Variants in FMN1 observed in about 807,000 individuals in gnomAD.
FMN1 encodes the protein formin-1.
Under a neutral mutation model 132.4 loss-of-function variants are expected in FMN1, and 110 were observed. The observed-to-expected ratio is 0.83, with a 90% CI of 0.71 to 0.97. The LOEUF is 0.97. FMN1 is among the 50% of genes least tolerant of loss of function. The probability of loss-of-function intolerance (pLI) is 0.00; values close to 1 mark genes in which losing one functional copy is unlikely to be tolerated. For synonymous variants in FMN1, 722 were observed against 651.7 expected, an observed-to-expected ratio of 1.11 and a Z score of -1.64; for missense variants, 1,792 against 1,705.3, an observed-to-expected ratio of 1.05 and a Z score of -0.90.
At chr15:32,921,183 TAGG>T (rs1679920057) in intron 10 of FMN1, among the ~76,000 whole-genome samples, 1 of 152,112 alleles carries the variant, frequency 6.6e-6, no homozygotes, top group Non-Finnish European at 1.5e-5. Flanking sequence ...CAGGCTCTCC[TAGG>T]AGGTGACATT....
At position 33,107,467 on chromosome 15, in the gene FMN1, C is replaced by A. The variant is rs562540615; in HGVS notation, c.1868-18493G>T. Among the ~76,000 whole-genome samples, 16 of 152,152 alleles carry A rather than the reference C, an allele frequency of 1.1e-4. No homozygotes were observed. In the South Asian group the frequency reaches 3.1e-3, roughly 30 times the overall value. ...TTAAAGAACATCACTGGACTTGATC[C>A]CCGCCTATCACTTTCTCCCCATCTC... On this transcript the variant is annotated intron_variant, in intron 4 of 20. Transcript: ENST00000616417.
intron 18 of FMN1, among the ~76,000 whole-genome samples, chr15:32,801,937 C>A (rs528938806): frequency 6.6e-6 from 1 of 152,324 alleles, no homozygotes; most frequent in African/African-American, 2.4e-5. Context: ...GACAAAACTC[C>A]ATTTTAAATT....
chr15:32,945,186 T>G (rs2061482699), intron 9 of FMN1, among the ~76,000 whole-genome samples: 2 of 152,168 alleles, frequency 1.3e-5, no homozygotes, highest in South Asian at 4.1e-4. Context: ...AATGTATTAT[T>G]TTGTTACTGA....
intron 4 of FMN1, among the ~76,000 whole-genome samples, chr15:33,100,056 G>A (rs1300492154): frequency 6.6e-6 from 1 of 152,052 alleles, no homozygotes; most frequent in Non-Finnish European, 1.5e-5. Context: ...CTTCCAGTAG[G>A]GAACTTAGCC....
At chr15:33,146,986 A>G (rs904160166) in intron 4 of FMN1, among the ~76,000 whole-genome samples, 5 of 152,240 alleles carry the variant, frequency 3.3e-5, no homozygotes, top group African/African-American at 4.8e-5. Flanking sequence ...GAGCCTGGCC[A>G]ACGTGGTGAA....
chr15:32,802,703 G>T (rs919710951), intron 18 of FMN1, among the ~76,000 whole-genome samples: 1 of 152,182 alleles, frequency 6.6e-6, no homozygotes, highest in Non-Finnish European at 1.5e-5. Context: ...TCCTGAAAAA[G>T]TATTAGAAAT....
At chr15:32,888,607 A>G (rs2059950471) in intron 15 of FMN1, among the ~76,000 whole-genome samples, 1 of 152,248 alleles carries the variant, frequency 6.6e-6, no homozygotes, top group Non-Finnish European at 1.5e-5. Flanking sequence ...GAAAAATGGA[A>G]GAGGGGAACA....
chr15:33,009,850 A>G (rs1216429872), intron 6 of FMN1, among the ~76,000 whole-genome samples: 1 of 152,200 alleles, frequency 6.6e-6, no homozygotes, highest in Non-Finnish European at 1.5e-5. Flanking sequence ...CTACTCAGCA[A>G]TAAAGACGAA....
intron 10 of FMN1, among the ~76,000 whole-genome samples, chr15:32,919,474 G>A (rs1021568453): frequency 1.3e-5 from 2 of 152,130 alleles, no homozygotes; most frequent in African/African-American, 2.4e-5. Context: ...CATTGTAATC[G>A]CATATTGAGC....
chr15:33,003,619 C>A (rs1004069859), intron 7 of FMN1, among the ~76,000 whole-genome samples: 1 of 152,144 alleles, frequency 6.6e-6, no homozygotes, highest in Non-Finnish European at 1.5e-5. Flanking sequence ...CCATACTGCC[C>A]AAGGTAATTT....
intron 5 of FMN1, among the ~76,000 whole-genome samples, chr15:33,072,320 G>T (rs990478884): frequency 6.6e-6 from 1 of 152,160 alleles, no homozygotes; most frequent in African/African-American, 2.4e-5. Flanking sequence ...AACTTTTCCT[G>T]TAAGTGGATT....
intron 17 of FMN1, among the ~76,000 whole-genome samples, chr15:32,817,020 C>G (rs1486570088): frequency 6.6e-6 from 1 of 152,130 alleles, no homozygotes; most frequent in East Asian, 1.9e-4. Context: ...TAAAGAAAAA[C>G]TAAGAGAAGA....
At chr15:33,024,686 G>A (rs1053856485) in intron 6 of FMN1, among the ~76,000 whole-genome samples, 1 of 152,090 alleles carries the variant, frequency 6.6e-6, no homozygotes, top group Admixed American at 6.5e-5. Context: ...ATGTAAAGGC[G>A]CACATAAGTA....
intron 14 of FMN1, among the ~76,000 whole-genome samples, chr15:32,899,126 A>G (rs894443019): frequency 1.3e-5 from 2 of 148,968 alleles, no homozygotes; most frequent in African/African-American, 2.5e-5. Context: ...ATAATCCATA[A>G]AACTTCTGAA....
chr15:32,986,262 A>C lies in FMN1; in HGVS notation c.2224-16785T>G, dbSNP rs921379757. Reference sequence around the variant, plus strand: ...GGACATATAAGGGCTGACAGTGTACAAATGATAAAGTGTATCCGTTGAGGC... The same window carrying C: ...GGACATATAAGGGCTGACAGTGTACCAATGATAAAGTGTATCCGTTGAGGC... On this transcript the variant is annotated intron_variant, in intron 7 of 20. Coordinates refer to ENST00000616417, the MANE Select transcript of FMN1 (RefSeq NM_001277313.2). Among the ~76,000 whole-genome samples, 8 of 152,184 alleles carry C rather than the reference A, an allele frequency of 5.3e-5. No individual in the cohort carries two copies. In the South Asian group the frequency reaches 8.3e-4, roughly 16 times the overall value.
intron 6 of FMN1, among the ~76,000 whole-genome samples, chr15:33,035,324 A>G (rs1325966054): frequency 2.0e-5 from 3 of 152,236 alleles, no homozygotes; most frequent in Non-Finnish European, 4.4e-5. Context: ...GGAAAATGCT[A>G]AATTTTAGTT....
intron 7 of FMN1, among the ~76,000 whole-genome samples, chr15:32,977,054 A>G (rs937824876): frequency 2.6e-5 from 4 of 152,242 alleles, no homozygotes; most frequent in Non-Finnish European, 4.4e-5. Flanking sequence ...AATATTTTGA[A>G]TATCAGATGA....
chr15:33,000,448 C>CA (rs201339140), intron 7 of FMN1, among the ~76,000 whole-genome samples: 13 of 52,988 alleles, frequency 2.5e-4, no homozygotes, highest in African/African-American at 6.3e-4. Flanking sequence ...GACTCCATCT[C>CA]AGGAAAAAAA....
In FMN1 at chr15:33,154,545, C is replaced by T. The variant is rs938128253; in HGVS notation, c.370G>A (p.Val124Met). 21 of 1,535,988 alleles carry T rather than the reference C, an allele frequency of 1.4e-5. 1 individual carries two copies. Among genetic ancestry groups the T allele is most frequent in the South Asian group, 9.5e-5 (8 of 84,066 alleles). The stretch of plus-strand genomic sequence containing the variant: ...CAGTCATCCTCGGGGGCCAGGCTCA[C>T]GGACAGCTCTTGCAGCTTCCCCTCC... ...NQEGKLQELS[V>M]SLAPEDDCFQ... Residue 124 changes from valine (V) to methionine (M), a missense_variant, in exon 4 of 21, where the codon GTG (valine) becomes ATG (methionine). By Grantham distance (21) the Val-to-Met change is conservative. Around this residue, in one of 3 missense-constraint regions of FMN1, gnomAD observed 638 missense variants for 645.2 expected, o/e 0.99. Coordinates refer to ENST00000616417, the MANE Select transcript of FMN1 (RefSeq NM_001277313.2).
Sources: gnomAD v4.1 joint callset for allele counts (sites outside exome capture counted in the v4.1 genomes callset) on GRCh38, gnomAD v4.1.1 for gene constraint, gnomAD v4.1.1 regional missense constraint, MANE v1.5 for transcripts, NCBI Gene and HGNC (gene_info 2026-07-23, HGNC 2026-07-21) for gene names.